SIK3: variants seen among roughly 807,000 people sequenced by gnomAD.
The protein encoded by SIK3 is SIK family kinase 3, also known as serine/threonine-protein kinase SIK3.
Under a neutral mutation model 144.2 loss-of-function variants are expected in SIK3, and 28 were observed. That is an observed-to-expected ratio of 0.19 (90% CI 0.14 to 0.27). SIK3 has a LOEUF of 0.27. Ranked by LOEUF, SIK3 falls within the 10% of genes least tolerant of loss-of-function variation. The probability of loss-of-function intolerance (pLI) is 1.00; values close to 1 mark genes in which losing one functional copy is unlikely to be tolerated. For synonymous variants in SIK3, 686 were observed against 676.3 expected (o/e 1.01, Z -0.22); for missense variants, 1,319 against 1,776.0 (o/e 0.74, Z 4.62).
At chr11:116,851,616 G>A (rs1942450353) in intron 21 of SIK3, among the ~76,000 whole-genome samples, 1 of 152,222 alleles carries the variant, frequency 6.6e-6, no homozygotes, top group Non-Finnish European at 1.5e-5. Flanking sequence ...GAAATCTTTT[G>A]AAAGTTCTCT....
intron 1 of SIK3, among the ~76,000 whole-genome samples, chr11:117,089,397 A>G (rs1441382079): frequency 7.1e-6 from 1 of 141,750 alleles, no homozygotes; most frequent in African/African-American, 2.7e-5. Context: ...ACAGAGTGAG[A>G]CTCCGTCTCA....
At chr11:116,961,962 T>C (rs1183929278) in intron 1 of SIK3, among the ~76,000 whole-genome samples, 1 of 152,208 alleles carries the variant, frequency 6.6e-6, no homozygotes, top group Non-Finnish European at 1.5e-5. Context: ...GAAAAATTAC[T>C]ATTTCTCCCT....
At chr11:116,873,416 C>A in intron 13 of SIK3, 65 bp downstream of exon 13, 1 of 1,611,638 alleles carries the variant, frequency 6.2e-7, no homozygotes, top group South Asian at 1.1e-5. Flanking sequence ...TTCCCAACCC[C>A]AGGCTCACAA....
At chr11:117,053,284 C>T (rs11216250) in intron 1 of SIK3, among the ~76,000 whole-genome samples, 10,917 of 151,344 alleles carry the variant, frequency 0.072, 479 homozygotes, top group Middle Eastern at 0.11. Context: ...TCACAGTGAG[C>T]CTAGATCATG....
chr11:116,947,223 A>ATATATAAATT (rs1162982295), intron 3 of SIK3, among the ~76,000 whole-genome samples: 2 of 88,910 alleles, frequency 2.2e-5, no homozygotes, highest in Non-Finnish European at 2.0e-5. Context: ...TACAATATAT[A>ATATATAAATT]ATTATTTATA....
At chr11:116,926,403 G>A (rs1947275478) in intron 4 of SIK3, among the ~76,000 whole-genome samples, 1 of 152,134 alleles carries the variant, frequency 6.6e-6, no homozygotes, top group Admixed American at 6.5e-5. Context: ...AGTGAAAAGT[G>A]CTCTCAAGGC....
chr11:116,857,495 C>T (rs1229176552), intron 21 of SIK3: 10 of 313,284 alleles, frequency 3.2e-5, no homozygotes, highest in Middle Eastern at 1.8e-3. Flanking sequence ...TTTTCTATTG[C>T]ACAAGTTTAA....
At chr11:117,011,963 C>T (rs1038545834) in intron 1 of SIK3, among the ~76,000 whole-genome samples, 1 of 151,928 alleles carries the variant, frequency 6.6e-6, no homozygotes, top group African/African-American at 2.4e-5. Flanking sequence ...CAATACAAGC[C>T]CAATCTGGTT....
intron 1 of SIK3, among the ~76,000 whole-genome samples, chr11:116,992,908 C>A (rs905674152): frequency 6.6e-6 from 1 of 152,134 alleles, no homozygotes; most frequent in African/African-American, 2.4e-5. Flanking sequence ...TCACTTAAGT[C>A]CAGGAGATAG....
chr11:116,992,946 C>T (rs1950546407), intron 1 of SIK3, among the ~76,000 whole-genome samples: 1 of 152,170 alleles, frequency 6.6e-6, no homozygotes. Flanking sequence ...GATCATGCCA[C>T]TGCTCTCCAG....
intron 1 of SIK3, among the ~76,000 whole-genome samples, chr11:117,004,528 AAAG>A (rs1418632420): frequency 6.6e-6 from 1 of 152,166 alleles, no homozygotes; most frequent in Non-Finnish European, 1.5e-5. Flanking sequence ...AAACAAAAAA[AAAG>A]AACAACGTTA....
intron 1 of SIK3, among the ~76,000 whole-genome samples, chr11:117,063,140 G>C (rs1437162084): frequency 6.6e-6 from 1 of 152,124 alleles, no homozygotes; most frequent in Non-Finnish European, 1.5e-5. Flanking sequence ...ATGTATATCT[G>C]CCTTATACTA....
intron 1 of SIK3, among the ~76,000 whole-genome samples, chr11:117,095,094 G>A (rs1179771192): frequency 6.6e-6 from 1 of 151,422 alleles, no homozygotes; most frequent in Non-Finnish European, 1.5e-5. Flanking sequence ...TTGGGAAAGG[G>A]CCAGCTTAAC....
intron 1 of SIK3, among the ~76,000 whole-genome samples, chr11:117,032,268 C>CT (rs930306713): frequency 6.6e-5 from 10 of 152,158 alleles, no homozygotes; most frequent in Admixed American, 2.0e-4. Flanking sequence ...GAACTGACAT[C>CT]TTTACTATGT....
At chr11:117,006,284 T>C (rs942882591) in intron 1 of SIK3, among the ~76,000 whole-genome samples, 1 of 152,198 alleles carries the variant, frequency 6.6e-6, no homozygotes, top group Non-Finnish European at 1.5e-5. Context: ...TGTTTCCTTA[T>C]GGGCTATGTA....
chr11:116,881,092 C>A (rs764253315), intron 6 of SIK3, among the ~76,000 whole-genome samples: 1 of 152,016 alleles, frequency 6.6e-6, no homozygotes, highest in Non-Finnish European at 1.5e-5. Context: ...CCACTGCACT[C>A]CAGCCTGGGC....
chr11:116,918,725 G>A (rs1946802221), intron 4 of SIK3, among the ~76,000 whole-genome samples: 1 of 152,080 alleles, frequency 6.6e-6, no homozygotes, highest in South Asian at 2.1e-4. Context: ...GGCTAAATAG[G>A]GTGCACCTTC....
intron 6 of SIK3, among the ~76,000 whole-genome samples, chr11:116,881,111 G>A (rs550212722): frequency 5.3e-5 from 8 of 152,102 alleles, no homozygotes; most frequent in South Asian, 4.2e-4. Context: ...GCGACAGAGC[G>A]AGACTCCGTC....
At chr11:116,861,143 G>A in intron 19 of SIK3, 131 bp downstream of exon 19, 2 of 713,860 alleles carry the variant, frequency 2.8e-6, no homozygotes, top group Non-Finnish European at 4.6e-6. Flanking sequence ...AAGCAGCTTG[G>A]CTCTAGAGTC....
Sources: allele counts gnomAD v4.1 joint callset (sites outside exome capture counted in the v4.1 genomes callset), GRCh38; gene constraint gnomAD v4.1.1; transcripts MANE v1.5; gene names NCBI Gene and HGNC (gene_info 2026-07-23, HGNC 2026-07-21).